Variants in FBXO9 observed in about 807,000 individuals in gnomAD.
FBXO9 encodes F-box protein 9.
FBXO9 carries 43 observed loss-of-function variants against 63.7 expected under a neutral mutation model. The ratio of observed to expected loss-of-function variants is 0.67; its 90% CI spans 0.53 to 0.87. The LOEUF (loss-of-function observed/expected upper bound fraction) is 0.87. Among genes scored for constraint, FBXO9 ranks in the 40% least tolerant of loss-of-function variants. The probability of loss-of-function intolerance (pLI) is 0.00; values close to 1 mark genes in which losing one functional copy is unlikely to be tolerated. For missense variants in FBXO9, 442 were observed against 533.2 expected, an observed-to-expected ratio of 0.83 and a Z score of 1.68; for synonymous variants, 156 against 171.7, an observed-to-expected ratio of 0.91 and a Z score of 0.72.
At chr6:53,081,146 A>G in intron 6 of FBXO9, 48 bp downstream of exon 6, 1 of 1,556,508 alleles carries the variant, frequency 6.4e-7, no homozygotes, top group African/African-American at 1.4e-5. Context: ...TCTTAACCTT[A>G]AAGATTTCCA....
At chr6:53,079,987 C>A (rs1411963027) in intron 5 of FBXO9, among the ~76,000 whole-genome samples, 1 of 152,064 alleles carries the variant, frequency 6.6e-6, no homozygotes, top group Middle Eastern at 3.2e-3. Flanking sequence ...TTTTTCTAAA[C>A]CTTCTTTAAA....
At chr6:53,083,572 A>G (rs1363658587) in intron 7 of FBXO9, among the ~76,000 whole-genome samples, 1 of 152,204 alleles carries the variant, frequency 6.6e-6, no homozygotes, top group East Asian at 1.9e-4. Context: ...GATCAGTAAC[A>G]AGGGGGACGC....
At chr6:53,091,831 A>T (rs1046783566) in intron 7 of FBXO9, 2 of 152,750 alleles carry the variant, frequency 1.3e-5, no homozygotes, top group African/African-American at 4.8e-5. Context: ...TTCCACTCTT[A>T]TACCACTAGA....
At chr6:53,072,359 G>A (rs1187414452) in intron 2 of FBXO9, among the ~76,000 whole-genome samples, 1 of 152,190 alleles carries the variant, frequency 6.6e-6, no homozygotes, top group Non-Finnish European at 1.5e-5. Context: ...TTATTAAGGA[G>A]TATTCTTGGG....
In FBXO9 at chr6:53,093,485, G is replaced by C. The variant is rs1763107529; in HGVS notation, c.883G>C (p.Asp295His). The C allele has an allele frequency of 6.2e-7, 1 of 1,613,398 alleles. No individual in the cohort carries two copies. Among genetic ancestry groups the C allele is most frequent in the African/African-American group, 1.3e-5 (1 of 74,872 alleles). ...ACATAGGTACATAAGATTCTTTCCT[G>C]ATGGCCATGTGATGATGTTGACAAC... is the stretch of plus-strand genomic sequence containing the variant. The part of the protein sequence containing the change: ...EYYRYIRFFP[D>H]GHVMMLTTPE... Residue 295 changes from aspartate (D) to histidine (H), a missense_variant, in exon 10 of 13, where the codon GAT becomes CAT. Physicochemically the swap from Asp to His is moderately conservative, Grantham distance 81. This residue lies in a region of FBXO9 where 262 missense variants were observed against 362.1 expected (regional missense o/e 0.72). Coordinates refer to ENST00000323557, the MANE Select transcript of FBXO9 (RefSeq NM_033480.3).
rs539993260 is a variant in FBXO9, at chr6:53,076,799, T to A, written c.307+256T>A. Among the ~76,000 whole-genome samples, 522 of 150,724 alleles carry A rather than the reference T, an allele frequency of 3.5e-3. 1 individual carries two copies. Among genetic ancestry groups the A allele is most frequent in the African/African-American group, 0.012 (502 of 40,970 alleles). On this transcript the variant is annotated intron_variant, in intron 4 of 12. Coordinates refer to ENST00000323557, the MANE Select transcript of FBXO9 (RefSeq NM_033480.3). ...TAGTTATTATACTGTATTTTTTTTTTAAATTTGTATTTATTTTAAATATTT... is the reference window on the plus strand; with the variant it reads ...TAGTTATTATACTGTATTTTTTTTTAAAATTTGTATTTATTTTAAATATTT...
intron 7 of FBXO9, among the ~76,000 whole-genome samples, chr6:53,085,629 T>C (rs1360642242): frequency 6.6e-6 from 1 of 151,674 alleles, no homozygotes; most frequent in Non-Finnish European, 1.5e-5. Flanking sequence ...TTAGAAAATA[T>C]TTGACATAAT....
At position 53,085,659 on chromosome 6, in the gene FBXO9, C is replaced by T. The variant is rs368640478; in HGVS notation, c.653+3041C>T. ...CATAATAGAAATTTATAACTAATAG[C>T]ATACTAGATTTTTATGAGTTTACAT... On this transcript the variant is annotated intron_variant, in intron 7 of 12. Transcript: ENST00000323557. Among the ~76,000 whole-genome samples the T allele has an allele frequency of 2.0e-5, 3 of 151,198 alleles. No individual in the cohort carries two copies. In the East Asian group the frequency reaches 5.8e-4, roughly 29 times the overall value.
At chr6:53,088,338 G>A (rs1187021158) in intron 7 of FBXO9, among the ~76,000 whole-genome samples, 2 of 152,120 alleles carry the variant, frequency 1.3e-5, no homozygotes, top group Admixed American at 1.3e-4. Context: ...ATAGTTGCAG[G>A]TTTTTGAATG....
rs1168438858 is a variant in FBXO9 at position 53,065,774 on chromosome 6, A to G, written c.-16A>G. 4.3e-6 allele frequency: 6 copies of G among 1,391,258 alleles called. No individual in the cohort carries two copies. Among genetic ancestry groups the G allele is most frequent in the South Asian group, 1.5e-5 (1 of 65,606 alleles). The allele number at this position is 1,391,258 out of a possible 1,614,324, so 86.2% of individuals were successfully genotyped here. A position where few individuals can be genotyped will look rare whatever the true frequency, so the allele number is the denominator to read the frequency against. ...GCACGGAGAGCCCCTCGAGCGCAGC[A>G]GGCCGCCCCGCCAGCATGGTAACCT... On this transcript the variant is annotated 5_prime_UTR_variant, in exon 1 of 13. Transcript: ENST00000323557.
At chr6:53,080,586 G>A (rs1769275750) in intron 5 of FBXO9, among the ~76,000 whole-genome samples, 2 of 152,140 alleles carry the variant, frequency 1.3e-5, no homozygotes, top group Admixed American at 6.5e-5. Flanking sequence ...CTCAGATGAC[G>A]TCTGTAGATT....
chr6:53,065,733 G>A lies in FBXO9; in HGVS notation c.-57G>A. 7.0e-7 allele frequency: 1 copy of A among 1,428,642 alleles called. No homozygotes were observed. Among genetic ancestry groups the A allele is most frequent in the Non-Finnish European group, 9.2e-7 (1 of 1,091,088 alleles). The allele number at this position is 1,428,642 out of a possible 1,614,324, so 88.5% of individuals were successfully genotyped here. Reference sequence around the variant, plus strand: ...GGACACCCAGCACCCCTCCTCCGGGGGGCGGTGCAGAGGGGGCACGGAGAG... The same window carrying A: ...GGACACCCAGCACCCCTCCTCCGGGAGGCGGTGCAGAGGGGGCACGGAGAG... On this transcript the variant is annotated 5_prime_UTR_variant, in exon 1 of 13. Coordinates refer to ENST00000323557, the MANE Select transcript of FBXO9 (RefSeq NM_033480.3).
chr6:53,081,804 C>T (rs1017545753), intron 6 of FBXO9, among the ~76,000 whole-genome samples: 8 of 152,142 alleles, frequency 5.3e-5, no homozygotes, highest in Non-Finnish European at 8.8e-5. Context: ...CATGGTGGCT[C>T]ACGCCTGCAA....
At chr6:53,082,992 A>G (rs192112509) in intron 7 of FBXO9, among the ~76,000 whole-genome samples, 8 of 152,316 alleles carry the variant, frequency 5.3e-5, no homozygotes, top group Non-Finnish European at 8.8e-5. Context: ...GCATTTTCTT[A>G]TGGCTCATTA....
chr6:53,095,353 AAC>A (rs1176489016), intron 11 of FBXO9, among the ~76,000 whole-genome samples, 158 bp from the exon 12 acceptor site: 9 of 152,218 alleles, frequency 5.9e-5, no homozygotes, highest in African/African-American at 2.2e-4. Flanking sequence ...TAGAGTATTT[AAC>A]AGTTTTTAAA....
chr6:53,084,036 GT>G (rs1203641982), intron 7 of FBXO9, among the ~76,000 whole-genome samples: 1 of 152,194 alleles, frequency 6.6e-6, no homozygotes, highest in African/African-American at 2.4e-5. Flanking sequence ...CCATTATTAA[GT>G]TTGATTTTTG....
Position 53,065,494 on chromosome 6 carries a change from T to C in FBXO9, c.-296T>C, listed in dbSNP as rs954500247. ...TCCAGTAGGGCTGACGCTCCGGTGC[T>C]CGCACAATCCCCCGCCTCGGCTGGC... On this transcript the variant is annotated 5_prime_UTR_variant, in exon 1 of 13. Coordinates refer to ENST00000323557, the MANE Select transcript of FBXO9 (RefSeq NM_033480.3). The C allele has an allele frequency of 4.3e-4, 155 of 362,232 alleles. No individual in the cohort carries two copies. Among genetic ancestry groups the C allele is most frequent in the Middle Eastern group, 2.8e-3 (4 of 1,426 alleles). The allele number at this position is 362,232 out of a possible 1,614,324, so 22.4% of individuals were successfully genotyped here.
At chr6:53,085,569 C>A (rs1177848499) in intron 7 of FBXO9, among the ~76,000 whole-genome samples, 2 of 151,846 alleles carry the variant, frequency 1.3e-5, no homozygotes, top group Admixed American at 1.3e-4. Flanking sequence ...ATATAAATTT[C>A]ATCTAGTCTT....
intron 1 of FBXO9, among the ~76,000 whole-genome samples, chr6:53,068,256 C>A (rs899849516): frequency 2.8e-4 from 42 of 152,216 alleles, no homozygotes; most frequent in African/African-American, 9.6e-4. Flanking sequence ...GAGCAAGTTT[C>A]ATTTCCTAAT....
Sources: gnomAD v4.1 joint callset for allele counts (sites outside exome capture counted in the v4.1 genomes callset) on GRCh38, gnomAD v4.1.1 for gene constraint, gnomAD v4.1.1 regional missense constraint, MANE v1.5 for transcripts, NCBI Gene and HGNC (gene_info 2026-07-23, HGNC 2026-07-21) for gene names.